The following CMTM8 variants were observed in gnomAD, a reference collection of about 807,000 sequenced individuals.
CMTM8 encodes CKLF like MARVEL transmembrane domain containing 8.
In CMTM8, 12 loss-of-function variants were observed where a neutral mutation model predicts 18.6. The observed-to-expected ratio is 0.65, with a 90% confidence interval of 0.41 to 1.05. CMTM8 has a LOEUF of 1.05. CMTM8 is among the 50% of genes least tolerant of loss of function. The pLI is 0.00. For missense variants in CMTM8, 217 were observed against 227.2 expected, an observed-to-expected ratio of 0.95 and a Z score of 0.29; for synonymous variants, 87 against 90.6, an observed-to-expected ratio of 0.96 and a Z score of 0.23.
intron 1 of CMTM8, among the ~76,000 whole-genome samples, chr3:32,262,305 G>C (rs1396078473): frequency 6.6e-6 from 1 of 152,150 alleles, no homozygotes; most frequent in Non-Finnish European, 1.5e-5. Flanking sequence ...ATGTCCTTTG[G>C]GCCATGGCAT....
intron 1 of CMTM8, among the ~76,000 whole-genome samples, chr3:32,343,554 T>G (rs9840161): frequency 0.98 from 149,709 of 152,246 alleles, 73,649 homozygotes; most frequent in East Asian, 1. Context: ...GACTTGGTTG[T>G]GTCCTTGTGC....
At chr3:32,317,632 G>A (rs150028501) in intron 1 of CMTM8, among the ~76,000 whole-genome samples, 107 of 152,278 alleles carry the variant, frequency 7.0e-4, no homozygotes, top group Middle Eastern at 6.8e-3. Flanking sequence ...ACAAAGTGTC[G>A]TGTGTAAAGG....
At chr3:32,270,043 G>A (rs1049939853) in intron 1 of CMTM8, among the ~76,000 whole-genome samples, 2 of 151,012 alleles carry the variant, frequency 1.3e-5, no homozygotes, top group Non-Finnish European at 2.9e-5. Context: ...CAAAGTGTTG[G>A]GATTACAGGC....
chr3:32,340,608 T>G (rs918057511), intron 1 of CMTM8, among the ~76,000 whole-genome samples: 1 of 152,274 alleles, frequency 6.6e-6, no homozygotes, highest in Non-Finnish European at 1.5e-5. Flanking sequence ...TGGCAAACTT[T>G]TTCTATAAAG....
intron 1 of CMTM8, among the ~76,000 whole-genome samples, chr3:32,258,241 T>C (rs1378702860): frequency 3.9e-5 from 6 of 152,216 alleles, no homozygotes; most frequent in South Asian, 2.1e-4. Flanking sequence ...TGTTCTCAAG[T>C]GCCTTCCAGG....
intron 1 of CMTM8, among the ~76,000 whole-genome samples, chr3:32,299,377 T>A (rs1007570684): frequency 1.3e-5 from 2 of 152,222 alleles, no homozygotes; most frequent in Non-Finnish European, 1.5e-5. Context: ...CAAGATTCTA[T>A]TTAGCTCAAC....
At chr3:32,356,543 A>G (rs1696817897) in intron 1 of CMTM8, among the ~76,000 whole-genome samples, 1 of 152,192 alleles carries the variant, frequency 6.6e-6, no homozygotes, top group South Asian at 2.1e-4. Context: ...TTGGATGACT[A>G]TTGCTAGGGT....
rs368844957 is a variant in CMTM8, at chr3:32,347,268, T to G, written c.148-10105T>G. On this transcript the variant is annotated intron_variant, in intron 1 of 3. Coordinates refer to ENST00000307526, the MANE Select transcript of CMTM8 (RefSeq NM_178868.5). ...AATAGAGTGGGTTTGTTTTGTTTTG[T>G]TTTTTGGTTTTTGGTTTTTTTTGCT... Among the ~76,000 whole-genome samples, 12 of 150,490 alleles carry G rather than the reference T, an allele frequency of 8.0e-5. No homozygotes were observed. The East Asian group carries it at 1.6e-3, about 20-fold the overall frequency.
rs1332871977 is a variant in CMTM8 at position 32,367,855 on chromosome 3, C to T, written c.322-17C>T. 6.4e-7 allele frequency: 1 copy of T among 1,553,568 alleles called. No individual in the cohort carries two copies. The highest frequency in any genetic ancestry group is 1.1e-5 in the South Asian group (1 of 89,630). ...CCCTCCCCTCTCCCTAAACACTCTG[C>T]CCCTGTGTCCCCCCAGGGCCTGTGC... is the stretch of plus-strand genomic sequence containing the variant. On this transcript the variant is annotated splice_polypyrimidine_tract_variant and intron_variant, in intron 2 of 3. Coordinates refer to ENST00000307526, the MANE Select transcript of CMTM8 (RefSeq NM_178868.5).
At chr3:32,280,832 C>G (rs548383552) in intron 1 of CMTM8, among the ~76,000 whole-genome samples, 77 of 98,892 alleles carry the variant, frequency 7.8e-4, no homozygotes, top group African/African-American at 3.2e-3. Flanking sequence ...GTCTCCAACA[C>G]GAGAGAAAAT....
rs1695620787 is a variant in CMTM8, at chr3:32,370,202, T to A, written c.*235T>A. The A allele has an allele frequency of 4.4e-6, 1 of 227,578 alleles. No homozygotes were observed. The highest frequency in any genetic ancestry group is 8.5e-6 in the Non-Finnish European group (1 of 117,118). 14.1% of individuals were successfully genotyped at this position (227,578 alleles called of 1,614,324 possible). A position where few individuals can be genotyped will look rare whatever the true frequency, so the allele number is the denominator to read the frequency against. ...ATTAATGTATTAATGTCTTCATAGATCATATTTTCTTAGACAATGTTTAAA... is the reference window on the plus strand; with the variant it reads ...ATTAATGTATTAATGTCTTCATAGAACATATTTTCTTAGACAATGTTTAAA... On this transcript the variant is annotated 3_prime_UTR_variant, in exon 4 of 4. Transcript: ENST00000307526.
intron 1 of CMTM8, among the ~76,000 whole-genome samples, chr3:32,293,077 G>GTGTGTGTATATATATATATA (rs148004069): frequency 2.1e-5 from 3 of 145,778 alleles, no homozygotes; most frequent in Non-Finnish European, 3.0e-5. Context: ...ATATGTGTGT[G>GTGTGTGTATATATATATATA]TATATATATA....
At chr3:32,335,312 T>C (rs1696365089) in intron 1 of CMTM8, among the ~76,000 whole-genome samples, 1 of 152,196 alleles carries the variant, frequency 6.6e-6, no homozygotes, top group Non-Finnish European at 1.5e-5. Flanking sequence ...CTTGAGCATA[T>C]TTGTGCTCAT....
intron 1 of CMTM8, among the ~76,000 whole-genome samples, chr3:32,320,497 C>T (rs113256514): frequency 7.2e-5 from 11 of 152,248 alleles, no homozygotes; most frequent in African/African-American, 2.6e-4. Flanking sequence ...GAATGGGGAA[C>T]AGCTGCTAAT....
At chr3:32,251,941 T>A (rs1474955148) in intron 1 of CMTM8, among the ~76,000 whole-genome samples, 2 of 151,830 alleles carry the variant, frequency 1.3e-5, no homozygotes, top group Non-Finnish European at 2.9e-5. Flanking sequence ...AACACAAAAA[T>A]TAGCTGGTCA....
rs528559860 is a variant in CMTM8, at chr3:32,351,165, T to G, written c.148-6208T>G. Reference sequence around the variant, plus strand: ...ATGAACATGGGTGAATGGAATTGAATAAAGATTCCGGAAACTGCCACAATA... The same window carrying G: ...ATGAACATGGGTGAATGGAATTGAAGAAAGATTCCGGAAACTGCCACAATA... On this transcript the variant is annotated intron_variant, in intron 1 of 3. Coordinates refer to ENST00000307526, the MANE Select transcript of CMTM8 (RefSeq NM_178868.5). Among the ~76,000 whole-genome samples, 9 of 152,262 alleles carry G rather than the reference T, an allele frequency of 5.9e-5. No individual in the cohort carries two copies. The South Asian group carries it at 1.9e-3, about 32-fold the overall frequency.
chr3:32,258,231 T>G (rs1702202305), intron 1 of CMTM8, among the ~76,000 whole-genome samples: 1 of 152,210 alleles, frequency 6.6e-6, no homozygotes, highest in African/African-American at 2.4e-5. Flanking sequence ...TATCATAGTT[T>G]GTTCTCAAGT....
intron 1 of CMTM8, among the ~76,000 whole-genome samples, chr3:32,251,760 T>G (rs1394110424): frequency 6.6e-6 from 1 of 152,060 alleles, no homozygotes; most frequent in African/African-American, 2.4e-5. Flanking sequence ...ACACAAATAT[T>G]TGAAGAAAAT....
chr3:32,264,486 AC>A (rs1331558219), intron 1 of CMTM8, among the ~76,000 whole-genome samples: 1 of 152,236 alleles, frequency 6.6e-6, no homozygotes, highest in Non-Finnish European at 1.5e-5. Flanking sequence ...CGTACCAGCC[AC>A]TGCAAAAACA....
Sources: allele counts gnomAD v4.1 joint callset (sites outside exome capture counted in the v4.1 genomes callset), GRCh38; gene constraint gnomAD v4.1.1; transcripts MANE v1.5; gene names NCBI Gene and HGNC (gene_info 2026-07-23, HGNC 2026-07-21).